Variants in JHY observed in about 807,000 individuals in gnomAD.
JHY encodes the protein junctional cadherin complex regulator.
A neutral mutation model predicts 78.0 loss-of-function variants in JHY; 69 were observed. The ratio of observed to expected loss-of-function variants is 0.88; its 90% CI spans 0.73 to 1.08. The LOEUF (loss-of-function observed/expected upper bound fraction) is 1.08, where lower values mean the gene tolerates loss of function less well. Among genes scored for constraint, JHY ranks in the 50% least tolerant of loss-of-function variants. The pLI is 0.00. For missense variants in JHY, 944 were observed against 927.8 expected (o/e 1.02, Z -0.23); for synonymous variants, 368 against 342.6 (o/e 1.07, Z -0.82).
At position 122,925,095 on chromosome 11, in the gene JHY, A is replaced by G. The variant is rs1055487461; in HGVS notation, c.978+85A>G. ...GATCGTGACTGAGTTCTTATCACTT[A>G]AGGGTTTATTTTTATGCCTGAGAAT... On this transcript the variant is annotated intron_variant, in intron 4 of 8. Transcript: ENST00000227349. 4.6e-6 allele frequency: 5 copies of G among 1,076,516 alleles called. No individual in the cohort carries two copies. In the South Asian group the frequency reaches 7.2e-5, roughly 15 times the overall value. The allele number at this position is 1,076,516 out of a possible 1,614,324, so 66.7% of individuals were successfully genotyped here. A position where few individuals can be genotyped will look rare whatever the true frequency, so the allele number is the denominator to read the frequency against.
chr11:122,900,976 G>A (rs1862845592), intron 2 of JHY, among the ~76,000 whole-genome samples: 2 of 152,208 alleles, frequency 1.3e-5, no homozygotes, highest in Non-Finnish European at 1.5e-5. Flanking sequence ...TTTCTAAACA[G>A]CAGATGTCTA....
Position 122,917,169 on chromosome 11 carries a change from C to G in JHY, c.865-7728C>G, listed in dbSNP as rs1302429839. The stretch of plus-strand genomic sequence containing the variant: ...CAGGTTTGGGAACAAATGGAAAAGA[C>G]TCTTGGTAAACATACAACTCAACAA... On this transcript the variant is annotated intron_variant, in intron 3 of 8. Transcript: ENST00000227349. The surrounding 1 kb of genome is among the most constrained non-coding windows in gnomAD (Gnocchi z 4.1). Among the ~76,000 whole-genome samples, 1 of 152,150 alleles carries G rather than the reference C, an allele frequency of 6.6e-6. No individual in the cohort carries two copies. The highest frequency in any genetic ancestry group is 6.6e-5 in the Admixed American group (1 of 15,264).
At chr11:122,904,979 A>G (rs1210798316) in intron 3 of JHY, among the ~76,000 whole-genome samples, 1 of 151,608 alleles carries the variant, frequency 6.6e-6, no homozygotes, top group Non-Finnish European at 1.5e-5. Flanking sequence ...CTGTATACAT[A>G]TTGGGCGGTC....
intron 2 of JHY, among the ~76,000 whole-genome samples, chr11:122,902,089 G>A (rs1166102602): frequency 1.4e-5 from 2 of 144,490 alleles, no homozygotes; most frequent in South Asian, 2.7e-4. Context: ...CCTCCTGAAG[G>A]ACCTGCCTGA....
chr11:122,894,138 T>C (rs1225285696), intron 2 of JHY, among the ~76,000 whole-genome samples: 1 of 151,888 alleles, frequency 6.6e-6, no homozygotes, highest in Non-Finnish European at 1.5e-5. Flanking sequence ...CTGGCCAACA[T>C]AGTGAAACCC....
chr11:122,959,400 G>A lies in JHY; in HGVS notation c.2292G>A (p.Arg764=). 1 of 1,614,034 alleles carries A rather than the reference G, an allele frequency of 6.2e-7. No individual in the cohort carries two copies. The highest frequency in any genetic ancestry group is 8.5e-7 in the Non-Finnish European group (1 of 1,179,990). Residue 764 remains arginine (R), a synonymous_variant, in exon 9 of 9, where the codon AGG becomes AGA. Coordinates refer to ENST00000227349, the MANE Select transcript of JHY (RefSeq NM_024806.4). ...LLEILQNRHE[R]EKQAVAAFKV... ...AAATACTGCAGAACAGACACGAAAG[G>A]GAAAAACAGGCTGTGGCTGCTTTCA...
Position 122,963,518 on chromosome 11 carries a change from C to T in JHY, c.*4073C>T, listed in dbSNP as rs1864353442. On this transcript the variant is annotated 3_prime_UTR_variant, in exon 9 of 9. Transcript: ENST00000227349. ...GTCATCTCACAATAGTGAAATACAG[C>T]AGAATGTCACTAAACTACCATAAAA... Among the ~76,000 whole-genome samples, 1 of 152,130 alleles carries T rather than the reference C, an allele frequency of 6.6e-6. No homozygotes were observed. Among genetic ancestry groups the T allele is most frequent in the Non-Finnish European group, 1.5e-5 (1 of 67,998 alleles).
intron 7 of JHY, among the ~76,000 whole-genome samples, chr11:122,956,928 C>T (rs1016303604): frequency 1.3e-5 from 2 of 152,032 alleles, no homozygotes; most frequent in African/African-American, 2.4e-5. Context: ...AAGACACTTA[C>T]GGGAAGAGTT....
At position 122,903,968 on chromosome 11, in the gene JHY, C is replaced by G; in HGVS notation, c.388C>G (p.Pro130Ala). The change falls in exon 3 of 9, where the codon CCG (proline) becomes GCG (alanine). Residue 130 changes from proline (P) to alanine (A), a missense_variant. By Grantham distance (27) the Pro-to-Ala change is conservative. Transcript: ENST00000227349. Reference protein sequence around the residue: ...EDKYSDLRYDPNWKSKKEEGQ... With the variant: ...EDKYSDLRYDANWKSKKEEGQ... ...CAAATATTCAGACCTCCGCTATGAC[C>G]CGAACTGGAAGAGTAAGAAGGAGGA... 6.2e-7 allele frequency: 1 copy of G among 1,611,692 alleles called. No homozygotes were observed. The highest frequency in any genetic ancestry group is 8.5e-7 in the Non-Finnish European group (1 of 1,178,260).
chr11:122,931,564 C>T (rs956897064), intron 4 of JHY, among the ~76,000 whole-genome samples: 2 of 152,080 alleles, frequency 1.3e-5, no homozygotes, highest in African/African-American at 4.8e-5. Flanking sequence ...ATTTGTATCT[C>T]GGGCTTAAAG....
chr11:122,901,541 T>C (rs1862859002), intron 2 of JHY, among the ~76,000 whole-genome samples: 1 of 152,002 alleles, frequency 6.6e-6, no homozygotes, highest in African/African-American at 2.4e-5. Flanking sequence ...ATAAAAATTC[T>C]TTATATCCTT....
intron 6 of JHY, among the ~76,000 whole-genome samples, chr11:122,951,795 G>A (rs543996099): frequency 5.3e-5 from 8 of 152,336 alleles, no homozygotes; most frequent in Middle Eastern, 3.4e-3. Flanking sequence ...AATCAAGTGT[G>A]AACACCAGTG....
In JHY at chr11:122,935,823, T is replaced by C. The variant is rs1201016391; in HGVS notation, c.1634+748T>C. On this transcript the variant is annotated intron_variant, in intron 5 of 8. Coordinates refer to ENST00000227349, the MANE Select transcript of JHY (RefSeq NM_024806.4). This position sits in a 1 kb window ranked among gnomAD's most constrained non-coding sequence, Gnocchi z 4.5. Reference sequence around the variant, plus strand: ...CAATAGGGAATGTTTAGGTAAATTATGATATTTAGTATCATGGAACCACTA... The same window carrying C: ...CAATAGGGAATGTTTAGGTAAATTACGATATTTAGTATCATGGAACCACTA... Among the ~76,000 whole-genome samples the C allele has an allele frequency of 6.6e-6, 1 of 152,222 alleles. No individual in the cohort carries two copies. Among genetic ancestry groups the C allele is most frequent in the Non-Finnish European group, 1.5e-5 (1 of 68,046 alleles).
intron 2 of JHY, among the ~76,000 whole-genome samples, chr11:122,899,326 AC>A (rs1263877850): frequency 6.6e-6 from 1 of 152,180 alleles, no homozygotes; most frequent in East Asian, 1.9e-4. Context: ...ACCTTTCTTT[AC>A]AAAAAAAAAT....
intron 3 of JHY, chr11:122,905,323 T>C: frequency 6.3e-7 from 1 of 1,583,722 alleles, no homozygotes; most frequent in Non-Finnish European, 8.6e-7. Flanking sequence ...GGGGTTAGAA[T>C]GGTAGAGTCC....
chr11:122,925,528 A>C (rs1199041437), intron 4 of JHY, among the ~76,000 whole-genome samples: 1 of 152,182 alleles, frequency 6.6e-6, no homozygotes, highest in East Asian at 1.9e-4. Context: ...ACTACTTTGA[A>C]ATCATAAATG....
rs760512913 is a variant in JHY, at chr11:122,923,883, ATTTTTTTTT to A, written c.865-995_865-987del. On this transcript the variant is annotated intron_variant, in intron 3 of 8. Coordinates refer to ENST00000227349, the MANE Select transcript of JHY (RefSeq NM_024806.4). ...AGACCCCAGTCACCACGCCTGGCTA[ATTTTTTTTT>A]TTTTTTTTTTTTTTTTTTGTATTTT... 3.7e-3 allele frequency among the ~76,000 whole-genome samples: 368 copies of A among 100,508 alleles called. 1 individual carries two copies. The highest frequency in any genetic ancestry group is 0.02 in the Middle Eastern group (4 of 202). 65.9% of individuals were successfully genotyped at this position (100,508 alleles called of 152,430 possible).
intron 2 of JHY, among the ~76,000 whole-genome samples, chr11:122,889,641 C>G (rs909359499): frequency 1.3e-5 from 2 of 152,036 alleles, no homozygotes; most frequent in Non-Finnish European, 2.9e-5. Context: ...GATAACTGAG[C>G]GATGATTATA....
At chr11:122,946,900 CCA>C in intron 6 of JHY, 108 bp downstream of exon 6, 1 of 1,350,650 alleles carries the variant, frequency 7.4e-7, no homozygotes, top group Non-Finnish European at 1.0e-6. Context: ...TGAGTTGCTG[CCA>C]CACTGGGTCG....
Sources: gnomAD v4.1 joint callset for allele counts (sites outside exome capture counted in the v4.1 genomes callset) on GRCh38, gnomAD v4.1.1 for gene constraint, Gnocchi (gnomAD v3.1) non-coding constraint, MANE v1.5 for transcripts, NCBI Gene and HGNC (gene_info 2026-07-23, HGNC 2026-07-21) for gene names.